The following MACROD2 variants were observed in gnomAD, a reference collection of about 807,000 sequenced individuals.
The protein encoded by MACROD2 is ADP-ribose glycohydrolase MACROD2.
In MACROD2, 36 loss-of-function variants were observed where a neutral mutation model predicts 70.4. The ratio of observed to expected loss-of-function variants is 0.51; its 90% confidence interval spans 0.39 to 0.68. The LOEUF (loss-of-function observed/expected upper bound fraction) is 0.68. Ranked by LOEUF, MACROD2 falls within the 30% of genes least tolerant of loss-of-function variation. The pLI, the probability that MACROD2 is intolerant of heterozygous loss-of-function variation, is 0.00. For missense variants in MACROD2, 496 were observed against 538.4 expected (o/e 0.92, Z 0.78); for synonymous variants, 172 against 178.8 (o/e 0.96, Z 0.30).
At position 15,958,859 on chromosome 20, in the gene MACROD2, C is replaced by T. The variant is rs564885643; in HGVS notation, c.908-8694C>T. Among the ~76,000 whole-genome samples the T allele has an allele frequency of 1.6e-4, 25 of 152,266 alleles. No homozygotes were observed. The South Asian group carries it at 3.3e-3, about 20-fold the overall frequency. ...ACACTGAGGAAAGGCTATGCAGGAA[C>T]GTGACCAGAAGGCGGCCATCTGCAA... On this transcript the variant is annotated intron_variant, in intron 12 of 17. Coordinates refer to ENST00000684519, the MANE Select transcript of MACROD2 (RefSeq NM_001351661.2).
chr20:15,147,419 C>G (rs182180642), intron 5 of MACROD2, among the ~76,000 whole-genome samples: 173 of 111,122 alleles, frequency 1.6e-3, no homozygotes, highest in African/African-American at 5.3e-3. Context: ...GTGTGTAAAA[C>G]GGAGTTAGCA....
Position 15,336,171 on chromosome 20 carries a change from AAC to A in MACROD2, c.541-95230_541-95229del, listed in dbSNP as rs1398365273. On this transcript the variant is annotated intron_variant, in intron 6 of 17. Transcript: ENST00000684519. ...TTAGTAAAATTAAATGTTAATCTCA[AAC>A]ACAGAGTTTGAGAGGAAGGCATTCC... Among the ~76,000 whole-genome samples the A allele has an allele frequency of 3.3e-5, 5 of 151,642 alleles. 1 individual carries two copies. The highest frequency in any genetic ancestry group is 1.2e-4 in the African/African-American group (5 of 40,954).
chr20:14,798,334 TA>T (rs1326716870), intron 5 of MACROD2, among the ~76,000 whole-genome samples: 1 of 152,138 alleles, frequency 6.6e-6, no homozygotes, highest in African/African-American at 2.4e-5. Context: ...CCTGTGTTTT[TA>T]AAGTTTCAAT....
chr20:14,479,048 C>T (rs558931107), intron 3 of MACROD2, among the ~76,000 whole-genome samples: 1 of 152,242 alleles, frequency 6.6e-6, no homozygotes, highest in South Asian at 2.1e-4. Flanking sequence ...ACCTCCCTCA[C>T]CAGCATCTCC....
intron 5 of MACROD2, among the ~76,000 whole-genome samples, chr20:14,989,138 G>A (rs2074877295): frequency 6.6e-6 from 1 of 151,978 alleles, no homozygotes; most frequent in Non-Finnish European, 1.5e-5. Flanking sequence ...TAGAATTTTA[G>A]CTTTTTTGGA....
chr20:16,022,954 C>T (rs775098), intron 15 of MACROD2, among the ~76,000 whole-genome samples: 148,114 of 152,294 alleles, frequency 0.97, 72,162 homozygotes, highest in East Asian at 1. Context: ...TGGTATTGAT[C>T]TTTAGAAGAA....
intron 5 of MACROD2, among the ~76,000 whole-genome samples, chr20:15,086,827 T>A (rs724819): frequency 0.39 from 58,996 of 151,794 alleles, 11,884 homozygotes; most frequent in East Asian, 0.54. Context: ...TAGTTCAAGA[T>A]CCCCCGCTTA....
At chr20:15,858,285 T>TA (rs11461459) in intron 8 of MACROD2, among the ~76,000 whole-genome samples, 80,988 of 151,254 alleles carry the variant, frequency 0.54, 22,797 homozygotes, top group Middle Eastern at 0.65. Context: ...GCCTAACATT[T>TA]AAAAAAAAAT....
At chr20:14,877,348 CT>C (rs140011188) in intron 5 of MACROD2, among the ~76,000 whole-genome samples, 2,695 of 152,070 alleles carry the variant, frequency 0.018, 86 homozygotes, top group African/African-American at 0.061. Flanking sequence ...TTCTAGGAGA[CT>C]TTTGGTGGTG....
At chr20:15,961,054 G>A (rs1045785584) in intron 12 of MACROD2, among the ~76,000 whole-genome samples, 45 of 152,218 alleles carry the variant, frequency 3.0e-4, no homozygotes, top group African/African-American at 1.1e-3. Context: ...TAATTAGAAT[G>A]TCCAGAAATA....
intron 4 of MACROD2, among the ~76,000 whole-genome samples, chr20:14,598,996 A>G (rs1268305873): frequency 2.0e-5 from 3 of 152,136 alleles, no homozygotes; most frequent in Non-Finnish European, 4.4e-5. Flanking sequence ...TGGGGATACT[A>G]TATTGATTTA....
intron 8 of MACROD2, among the ~76,000 whole-genome samples, chr20:15,709,624 AC>A (rs1410264085): frequency 6.6e-6 from 1 of 152,144 alleles, no homozygotes; most frequent in African/African-American, 2.4e-5. Context: ...CTATAATTGC[AC>A]CACTGCACTC....
chr20:15,058,517 T>G (rs998830149), intron 5 of MACROD2, among the ~76,000 whole-genome samples: 6 of 152,198 alleles, frequency 3.9e-5, no homozygotes, highest in African/African-American at 7.2e-5. Context: ...ATTTGTTGTT[T>G]AACTGAAATT....
chr20:14,641,041 TC>T (rs984296399), intron 4 of MACROD2, among the ~76,000 whole-genome samples: 1 of 152,230 alleles, frequency 6.6e-6, no homozygotes, highest in African/African-American at 2.4e-5. Flanking sequence ...CAGTAGAACT[TC>T]TTTCAAAATT....
At chr20:15,985,194 G>A (rs576927628) in intron 13 of MACROD2, among the ~76,000 whole-genome samples, 52 of 152,090 alleles carry the variant, frequency 3.4e-4, no homozygotes, top group African/African-American at 9.6e-4. Flanking sequence ...TACTTACACC[G>A]GACCTGTTTT....
At chr20:14,275,896 A>G (rs1212073791) in intron 3 of MACROD2, among the ~76,000 whole-genome samples, 9 of 152,258 alleles carry the variant, frequency 5.9e-5, no homozygotes, top group Admixed American at 1.3e-4. Flanking sequence ...ATCACTGGCC[A>G]TCAGAAAAAT....
At chr20:14,180,709 A>G (rs947704884) in intron 3 of MACROD2, among the ~76,000 whole-genome samples, 1 of 151,936 alleles carries the variant, frequency 6.6e-6, no homozygotes, top group African/African-American at 2.4e-5. Context: ...GTTTGAAATC[A>G]TTGATTTATA....
intron 6 of MACROD2, among the ~76,000 whole-genome samples, chr20:15,411,488 G>T (rs2046078668): frequency 6.6e-6 from 1 of 152,148 alleles, no homozygotes; most frequent in African/African-American, 2.4e-5. Flanking sequence ...CATCCTGCCA[G>T]AGAGATTTTA....
At chr20:15,498,083 CA>C (rs1600497152) in intron 7 of MACROD2, among the ~76,000 whole-genome samples, 1 of 152,196 alleles carries the variant, frequency 6.6e-6, no homozygotes, top group African/African-American at 2.4e-5. Context: ...GTAGACATTG[CA>C]AAGGTTCAAG....
Sources: gnomAD v4.1 joint callset for allele counts (sites outside exome capture counted in the v4.1 genomes callset) on GRCh38, gnomAD v4.1.1 for gene constraint, MANE v1.5 for transcripts, NCBI Gene and HGNC (gene_info 2026-07-23, HGNC 2026-07-21) for gene names.